IGHMBP2: variants seen among roughly 807,000 people sequenced by gnomAD.
The protein encoded by IGHMBP2 is DNA-binding protein SMUBP-2.
A neutral mutation model predicts 96.0 loss-of-function variants in IGHMBP2; 81 were observed. The observed-to-expected ratio is 0.84, with a 90% CI of 0.71 to 1.01. The LOEUF is 1.01. Among genes scored for constraint, IGHMBP2 ranks in the 50% least tolerant of loss-of-function variants. The pLI is 0.00. For synonymous variants in IGHMBP2, 557 were observed against 548.9 expected, an observed-to-expected ratio of 1.01 and a Z score of -0.21; for missense variants, 1,227 against 1,306.3, an observed-to-expected ratio of 0.94 and a Z score of 0.94.
rs1472114475 is a variant in IGHMBP2, at chr11:68,910,896, AAAAG to A, written c.548-541_548-538del. Among the ~76,000 whole-genome samples, 4 of 152,244 alleles carry A rather than the reference AAAAG, an allele frequency of 2.6e-5. No individual in the cohort carries two copies. In the East Asian group the frequency reaches 7.7e-4, roughly 29 times the overall value. On this transcript the variant is annotated intron_variant, in intron 4 of 14. Transcript: ENST00000255078. ...GACTCCATCTCAAAAAAAAAAAAAA[AAAAG>A]AAGCAGATCTTTAGTCTTGGTCGTG...
Position 68,904,010 on chromosome 11 carries a change from G to A in IGHMBP2, c.58G>A (p.Glu20Lys), listed in dbSNP as rs774019567. Residue 20 changes from glutamate to lysine, a missense_variant, in exon 1 of 15, where the codon GAG becomes AAG. Coordinates refer to ENST00000255078, the MANE Select transcript of IGHMBP2 (RefSeq NM_002180.3). ...CAAGCAACTGGACCTGCTGGAGCTTGAGAGAGACGCGGAGGTGGAGGAGCG... is the reference window on the plus strand; with the variant it reads ...CAAGCAACTGGACCTGCTGGAGCTTAAGAGAGACGCGGAGGTGGAGGAGCG... ...VTKQLDLLEL[E>K]RDAEVEERRS... The A allele has an allele frequency of 1.9e-6, 3 of 1,549,994 alleles. No individual in the cohort carries two copies. The highest frequency in any genetic ancestry group is 2.6e-6 in the Non-Finnish European group (3 of 1,146,620).
chr11:68,908,313 A>T lies in IGHMBP2; in HGVS notation c.425A>T (p.Asp142Val). The T allele has an allele frequency of 6.2e-7, 1 of 1,614,066 alleles. No individual in the cohort carries two copies. Among genetic ancestry groups the T allele is most frequent in the Non-Finnish European group, 8.5e-7 (1 of 1,179,996 alleles). ...TACAGACTGTTAAAACTTGCCAATG[A>T]TGTCACTTACAGGCGACTGAAAAAG... ...NSYRLLKLAN[D>V]VTYRRLKKAL... Residue 142 changes from aspartate (D) to valine (V), a missense_variant, in exon 3 of 15, where the codon GAT (aspartate) becomes GTT (valine). Transcript: ENST00000255078.
chr11:68,923,147 G>A (rs1051858814), intron 7 of IGHMBP2, among the ~76,000 whole-genome samples: 3 of 152,072 alleles, frequency 2.0e-5, no homozygotes, highest in East Asian at 3.9e-4. Context: ...AGGATTTTAC[G>A]TTGTTGCATG....
In IGHMBP2 at chr11:68,939,547, G is replaced by A. The variant is rs759609027; in HGVS notation, c.2798G>A (p.Gly933Asp). Residue 933 changes from glycine (G) to aspartate (D), a missense_variant, in exon 15 of 15, where the codon GGT becomes GAT. Gly to Asp is a moderately conservative substitution (Grantham distance 94). This residue lies in a region of IGHMBP2 where 703 missense variants were observed against 770.3 expected (regional missense o/e 0.91). Transcript: ENST00000255078. ...SHHLPEIHGC[G>D]ERARAHARQR... is the part of the protein sequence containing the mutation. The stretch of plus-strand genomic sequence containing the variant: ...TGTCCTCCCCAGATCCATGGCTGCG[G>A]TGAGAGGGCTCGCGCCCATGCCCGG... 1.2e-6 allele frequency: 2 copies of A among 1,612,122 alleles called. No individual in the cohort carries two copies. The highest frequency in any genetic ancestry group is 1.7e-6 in the Non-Finnish European group (2 of 1,180,020).
intron 7 of IGHMBP2, among the ~76,000 whole-genome samples, chr11:68,923,229 G>A (rs891455725): frequency 5.3e-5 from 8 of 151,816 alleles, no homozygotes; most frequent in African/African-American, 9.7e-5. Flanking sequence ...TTGAGACAGC[G>A]TCTTGCTCTG....
rs1339364819 is a variant in IGHMBP2, at chr11:68,908,072, G to A, written c.257-73G>A. 4.4e-6 allele frequency: 5 copies of A among 1,148,146 alleles called. No individual in the cohort carries two copies. The South Asian group carries it at 4.9e-5, about 11-fold the overall frequency. The allele number at this position is 1,148,146 out of a possible 1,614,324, so 71.1% of individuals were successfully genotyped here. A position where few individuals can be genotyped will look rare whatever the true frequency, so the allele number is the denominator to read the frequency against. ...ACAAAGATAAAATATTTGAAGTATA[G>A]TGGATTTTATTACAGAAAATGATAT... On this transcript the variant is annotated intron_variant, in intron 2 of 14. Transcript: ENST00000255078.
At chr11:68,930,635 G>A (rs557789865) in intron 8 of IGHMBP2, 7 of 446,536 alleles carry the variant, frequency 1.6e-5, no homozygotes, top group East Asian at 3.1e-4. Flanking sequence ...AAACCTCTGC[G>A]GCCGCAGCAC....
chr11:68,929,375 C>T lies in IGHMBP2; in HGVS notation c.1235+18C>T, dbSNP rs1434669020. 1 of 1,609,790 alleles carries T rather than the reference C, an allele frequency of 6.2e-7. No individual in the cohort carries two copies. Among genetic ancestry groups the T allele is most frequent in the Admixed American group, 1.7e-5 (1 of 60,022 alleles). On this transcript the variant is annotated intron_variant, in intron 8 of 14. Transcript: ENST00000255078. ...TCTCACAAGTAAGACCCCTTTGCCT[C>T]ACATGCCCTTCTCTGCCCCCGCCCT...
At position 68,933,298 on chromosome 11, in the gene IGHMBP2, G is replaced by T. The variant is rs1124336; in HGVS notation, c.1236-1G>T. Reference sequence around the variant, plus strand: ...TCCCCCTTTCTCCCTCCTGGGCGCAGGGCTGCGCTGGCAGGACTGTCACTC... The same window carrying T: ...TCCCCCTTTCTCCCTCCTGGGCGCATGGCTGCGCTGGCAGGACTGTCACTC... On this transcript the variant is annotated splice_acceptor_variant, in intron 8 of 14. Coordinates refer to ENST00000255078, the MANE Select transcript of IGHMBP2 (RefSeq NM_002180.3). LOFTEE classifies it high-confidence loss of function. The T allele has an allele frequency of 2.5e-6, 4 of 1,611,778 alleles. No homozygotes were observed. The highest frequency in any genetic ancestry group is 1.7e-6 in the Non-Finnish European group (2 of 1,179,530).
At chr11:68,911,811 GGTT>G (rs1858447221) in intron 5 of IGHMBP2, among the ~76,000 whole-genome samples, 1 of 152,264 alleles carries the variant, frequency 6.6e-6, no homozygotes, top group Non-Finnish European at 1.5e-5. Flanking sequence ...CCGTAGCCTG[GGTT>G]GTTGAGGAAG....
chr11:68,929,968 C>T (rs1859216945), intron 8 of IGHMBP2: 7 of 875,874 alleles, frequency 8.0e-6, no homozygotes, highest in Admixed American at 6.9e-5. Context: ...GTGCTGCCCG[C>T]CCCCCCAGCC....
chr11:68,908,545 C>CTCT lies in IGHMBP2; in HGVS notation c.462_464dup (p.Leu155dup). The stretch of plus-strand genomic sequence containing the variant: ...TTCTCCCTTGGCAGAGCCCTGATTG[C>CTCT]TCTAAAGAAGTATCATTCTGGCCCA... On this transcript the variant is annotated inframe_insertion, in exon 4 of 15. Coordinates refer to ENST00000255078, the MANE Select transcript of IGHMBP2 (RefSeq NM_002180.3). 1 of 1,613,536 alleles carries CTCT rather than the reference C, an allele frequency of 6.2e-7. No homozygotes were observed. The highest frequency in any genetic ancestry group is 8.5e-7 in the Non-Finnish European group (1 of 1,179,478).
intron 12 of IGHMBP2, 48 bp downstream of exon 12, chr11:68,935,470 T>G (rs768849570): frequency 1.2e-5 from 19 of 1,611,008 alleles, no homozygotes; most frequent in African/African-American, 2.7e-5. Context: ...AGAAGTGAAT[T>G]TATTGATTGA....
At chr11:68,912,022 C>G (rs1241301650) in intron 5 of IGHMBP2, among the ~76,000 whole-genome samples, 2 of 152,234 alleles carry the variant, frequency 1.3e-5, no homozygotes, top group Non-Finnish European at 2.9e-5. Context: ...ATCAGATAGT[C>G]TGGTTAATGG....
intron 5 of IGHMBP2, 115 bp downstream of exon 5, chr11:68,911,718 AC>A: frequency 1.0e-6 from 1 of 973,376 alleles, no homozygotes; most frequent in Non-Finnish European, 1.6e-6. Flanking sequence ...CAGGAACATT[AC>A]TGAGCATTTA....
At chr11:68,917,648 A>G (rs1858721234) in intron 6 of IGHMBP2, 88 bp from the exon 7 acceptor site, 5 of 1,083,858 alleles carry the variant, frequency 4.6e-6, no homozygotes, top group African/African-American at 1.6e-5. Flanking sequence ...ATTGAACTGG[A>G]CTGAATGATA....
chr11:68,908,338 G>T lies in IGHMBP2; in HGVS notation c.449+1G>T, dbSNP rs797044802. 6.2e-7 allele frequency: 1 copy of T among 1,613,410 alleles called. No individual in the cohort carries two copies. The highest frequency in any genetic ancestry group is 8.5e-7 in the Non-Finnish European group (1 of 1,179,404). On this transcript the variant is annotated splice_donor_variant, in intron 3 of 14. Transcript: ENST00000255078. LOFTEE classifies it high-confidence loss of function. Reference sequence around the variant, plus strand: ...ATGTCACTTACAGGCGACTGAAAAAGTAAGTGGATGGGACTGGAAATCCTA... The same window carrying T: ...ATGTCACTTACAGGCGACTGAAAAATTAAGTGGATGGGACTGGAAATCCTA...
chr11:68,932,560 T>C (rs1000159945), intron 8 of IGHMBP2: 24 of 152,562 alleles, frequency 1.6e-4, no homozygotes, highest in African/African-American at 5.8e-4. Context: ...GTTATAAGGA[T>C]GAAGGGAGTT....
intron 3 of IGHMBP2, 90 bp downstream of exon 3, chr11:68,908,427 C>T: frequency 6.8e-7 from 1 of 1,475,726 alleles, no homozygotes; most frequent in Non-Finnish European, 9.5e-7. Flanking sequence ...AAGAGAGCAA[C>T]AAGTCATGGT....
Sources: gnomAD v4.1 joint callset for allele counts (sites outside exome capture counted in the v4.1 genomes callset) on GRCh38, gnomAD v4.1.1 for gene constraint, gnomAD v4.1.1 regional missense constraint, MANE v1.5 for transcripts, NCBI Gene and HGNC (gene_info 2026-07-23, HGNC 2026-07-21) for gene names.